The following ILDR1 variants were observed in gnomAD, a reference collection of about 807,000 sequenced individuals.
The protein encoded by ILDR1 is immunoglobulin-like domain-containing receptor 1.
Under a neutral mutation model 62.4 loss-of-function variants are expected in ILDR1, and 56 were observed. The observed-to-expected ratio is 0.90, with a 90% confidence interval of 0.72 to 1.12. ILDR1 has a LOEUF of 1.12. Ranked by LOEUF, ILDR1 falls within the 50% of genes most tolerant of loss-of-function variation. The pLI is 0.00. For missense variants in ILDR1, 736 were observed against 710.6 expected (o/e 1.04, Z -0.41); for synonymous variants, 284 against 277.8 (o/e 1.02, Z -0.22).
the ILDR1 span, among the ~76,000 whole-genome samples, chr3:122,028,664 T>A: frequency 6.6e-6 from 1 of 152,244 alleles, no homozygotes; most frequent in Non-Finnish European, 1.5e-5. Context: ...GATTCACTAT[T>A]AAACATTAGA....
At chr3:122,058,283 T>C in the ILDR1 span, among the ~76,000 whole-genome samples, 1 of 152,178 alleles carries the variant, frequency 6.6e-6, no homozygotes, top group Non-Finnish European at 1.5e-5. Flanking sequence ...CAAGTTGTGC[T>C]TTTGGGATGG....
chr3:122,027,971 A>G, the ILDR1 span, among the ~76,000 whole-genome samples: 1 of 152,178 alleles, frequency 6.6e-6, no homozygotes, highest in African/African-American at 2.4e-5. Flanking sequence ...ATCTGATGCT[A>G]TCTCCAGGTA....
chr3:122,040,737 G>GAAAAAAAAAAAAAAAAAAAAAAAAAAA, the ILDR1 span, among the ~76,000 whole-genome samples: 1 of 124,816 alleles, frequency 8.0e-6, no homozygotes, highest in Non-Finnish European at 1.7e-5. Context: ...AAAAAAAAAA[G>GAAAAAAAAAAAAAAAAAAAAAAAAAAA]AAAAAAAAAA....
chr3:122,054,693 AGAT>A, the ILDR1 span, among the ~76,000 whole-genome samples: 9 of 152,298 alleles, frequency 5.9e-5, no homozygotes, highest in African/African-American at 2.2e-4. Flanking sequence ...TTGAGTTTCT[AGAT>A]GATGCCCATT....
At chr3:122,033,819 G>T in the ILDR1 span, among the ~76,000 whole-genome samples, 4 of 152,122 alleles carry the variant, frequency 2.6e-5, no homozygotes, top group East Asian at 7.7e-4. Flanking sequence ...TCTGATTCTG[G>T]ATTCTCTTCC....
chr3:121,989,581 T>C (rs2071308546), intron 7 of ILDR1, among the ~76,000 whole-genome samples: 1 of 152,210 alleles, frequency 6.6e-6, no homozygotes, highest in Non-Finnish European at 1.5e-5. Context: ...GATAATTCAT[T>C]GGAAGGAGTC....
At chr3:122,045,435 C>T in the ILDR1 span, among the ~76,000 whole-genome samples, 1 of 152,084 alleles carries the variant, frequency 6.6e-6, no homozygotes, top group African/African-American at 2.4e-5. Flanking sequence ...CTATTAGGTC[C>T]ACTTGGTGCA....
At chr3:121,988,473 C>T (rs1265520561) in intron 7 of ILDR1, 65 bp from the exon 8 acceptor site, 1 of 1,275,120 alleles carries the variant, frequency 7.8e-7, no homozygotes, top group African/African-American at 1.5e-5. Context: ...ATGCATGTAA[C>T]ACATAATGTG....
chr3:122,012,023 C>T (rs1359604335), intron 1 of ILDR1, among the ~76,000 whole-genome samples: 3 of 152,120 alleles, frequency 2.0e-5, no homozygotes, highest in Non-Finnish European at 4.4e-5. Flanking sequence ...AGAAGTCAGG[C>T]GCCAGGCTCT....
chr3:121,993,207 T>C lies in ILDR1; in HGVS notation c.1542A>G (p.Ser514=), dbSNP rs1231364663. The C allele has an allele frequency of 2.5e-6, 4 of 1,613,784 alleles. No individual in the cohort carries two copies. Among genetic ancestry groups the C allele is most frequent in the Non-Finnish European group, 3.4e-6 (4 of 1,179,914 alleles). ...TATTCTTGCCTGGAGTGATATCAAG[T>C]GAGCGGTAGCTAGGCGGCTTCTCCT... is the stretch of plus-strand genomic sequence containing the variant. ...WPEEKPPSYR[S]LDITPGKNSR... Residue 514 remains serine (S), a synonymous_variant, in exon 7 of 8, where the codon TCA becomes TCG. Transcript: ENST00000344209.
the ILDR1 span, among the ~76,000 whole-genome samples, chr3:122,042,405 G>A: frequency 0.12 from 9,464 of 77,850 alleles, 665 homozygotes; most frequent in East Asian, 0.2. Flanking sequence ...ATAGCAGCAT[G>A]ATTTATAGTC....
chr3:121,996,356 G>T (rs1257370304), intron 5 of ILDR1, among the ~76,000 whole-genome samples: 2 of 152,176 alleles, frequency 1.3e-5, no homozygotes, highest in Non-Finnish European at 2.9e-5. Context: ...ACAGTCCAGA[G>T]ATTAATTCAC....
intron 5 of ILDR1, among the ~76,000 whole-genome samples, chr3:121,998,694 A>C (rs1461123584): frequency 6.6e-6 from 1 of 152,010 alleles, no homozygotes; most frequent in Non-Finnish European, 1.5e-5. Context: ...GGTTTTTCTT[A>C]TCTCATCCTG....
Position 121,988,085 on chromosome 3 carries a change from A to C in ILDR1, c.*282T>G. The C allele has an allele frequency of 2.2e-6, 1 of 455,538 alleles. No individual in the cohort carries two copies. The highest frequency in any genetic ancestry group is 1.9e-5 in the South Asian group (1 of 53,250). The allele number at this position is 455,538 out of a possible 1,614,324, so 28.2% of individuals were successfully genotyped here. A position where few individuals can be genotyped will look rare whatever the true frequency, so the allele number is the denominator to read the frequency against. ...ATGCCACCACACCTAACTAATTTTT[A>C]TATTTTTTGTAGAGACGGGGTCTCA... On this transcript the variant is annotated 3_prime_UTR_variant, in exon 8 of 8. Coordinates refer to ENST00000344209, the MANE Select transcript of ILDR1 (RefSeq NM_001199799.2).
chr3:122,017,693 C>T (rs1354553356), intron 1 of ILDR1, among the ~76,000 whole-genome samples: 1 of 152,054 alleles, frequency 6.6e-6, no homozygotes, highest in Non-Finnish European at 1.5e-5. Context: ...AACAAATTTA[C>T]AAGAAAAAAG....
At chr3:122,051,138 C>G in the ILDR1 span, among the ~76,000 whole-genome samples, 3 of 152,108 alleles carry the variant, frequency 2.0e-5, no homozygotes, top group African/African-American at 7.2e-5. Flanking sequence ...TTATTTAGGC[C>G]TATTGGGCTT....
chr3:122,013,145 C>T (rs2071728481), intron 1 of ILDR1, among the ~76,000 whole-genome samples: 1 of 152,204 alleles, frequency 6.6e-6, no homozygotes, highest in South Asian at 2.1e-4. Context: ...ATCTTTACAA[C>T]TAAATGTCAT....
intron 1 of ILDR1, among the ~76,000 whole-genome samples, chr3:122,017,022 T>C (rs773910124): frequency 2.5e-4 from 38 of 152,334 alleles, no homozygotes; most frequent in Non-Finnish European, 4.7e-4. Context: ...ACTGGGGACA[T>C]GGCCAGAGTC....
At chr3:121,992,419 T>C (rs571737340) in intron 7 of ILDR1, among the ~76,000 whole-genome samples, 16 of 152,194 alleles carry the variant, frequency 1.1e-4, no homozygotes, top group Admixed American at 2.0e-4. Context: ...ATTACAGGCA[T>C]GAACCACCAC....
Sources: gnomAD v4.1 joint callset for allele counts (sites outside exome capture counted in the v4.1 genomes callset) on GRCh38, gnomAD v4.1.1 for gene constraint, MANE v1.5 for transcripts, NCBI Gene and HGNC (gene_info 2026-07-23, HGNC 2026-07-21) for gene names.